Variants in ADGRL1 observed in about 807,000 individuals in gnomAD.
ADGRL1 encodes CIRL-1.
In ADGRL1, 31 loss-of-function variants were observed where a neutral mutation model predicts 148.9. The ratio of observed to expected loss-of-function variants is 0.21; its 90% CI spans 0.16 to 0.28. ADGRL1 has a LOEUF of 0.28. Among genes scored for constraint, ADGRL1 ranks in the 10% least tolerant of loss-of-function variants. ADGRL1 has a pLI of 1.00. For missense variants in ADGRL1, 1,521 were observed against 2,058.8 expected (o/e 0.74, Z 5.05); for synonymous variants, 937 against 900.3 (o/e 1.04, Z -0.73).
At position 14,160,087 on chromosome 19, in the gene ADGRL1, G is replaced by A. The variant is rs542681348; in HGVS notation, c.1800+25C>T. On this transcript the variant is annotated intron_variant, in intron 8 of 22. Coordinates refer to ENST00000361434, the MANE Select transcript of ADGRL1 (RefSeq NM_014921.5). This position sits in a 1 kb window ranked among gnomAD's most constrained non-coding sequence, Gnocchi z 5.9. ...GGGGGCAGGCGCCCTCCCCATACCA[G>A]GTCAGCGCCACCGCCAGGCCCCACC... The A allele has an allele frequency of 9.6e-6, 15 of 1,557,910 alleles. No individual in the cohort carries two copies. In the South Asian group the frequency reaches 1.2e-4, roughly 12 times the overall value.
At chr19:14,182,096 C>T (rs1971238927) in intron 2 of ADGRL1, among the ~76,000 whole-genome samples, 1 of 152,236 alleles carries the variant, frequency 6.6e-6, no homozygotes, top group Non-Finnish European at 1.5e-5. Context: ...TCCCTGGCTG[C>T]AGCCTCATCC....
intron 4 of ADGRL1, among the ~76,000 whole-genome samples, chr19:14,165,753 CCTCT>C (rs67684197): frequency 0.1 from 15,237 of 151,796 alleles, 911 homozygotes; most frequent in Admixed American, 0.17. Flanking sequence ...GCAGCCCAGG[CCTCT>C]CTGAGATGGG....
intron 4 of ADGRL1, among the ~76,000 whole-genome samples, chr19:14,164,392 C>T (rs996795610): frequency 3.9e-5 from 6 of 152,034 alleles, no homozygotes; most frequent in African/African-American, 9.7e-5. Flanking sequence ...GTCCTGGCTC[C>T]GTGGGAGGCT....
At chr19:14,168,018 G>A (rs1471308326) in intron 4 of ADGRL1, among the ~76,000 whole-genome samples, 1 of 152,096 alleles carries the variant, frequency 6.6e-6, no homozygotes, top group Non-Finnish European at 1.5e-5. Flanking sequence ...CCACTGTGTG[G>A]GAGGGTTCCC....
chr19:14,156,250 C>CT lies in ADGRL1; in HGVS notation c.3034-50dup, dbSNP rs765389103. The CT allele has an allele frequency of 2.1e-6, 3 of 1,419,914 alleles. No homozygotes were observed. The South Asian group carries it at 3.5e-5, about 17-fold the overall frequency. 88.0% of individuals were successfully genotyped at this position (1,419,914 alleles called of 1,614,324 possible). ...CTGGGCTGAGAGTGGCCCTGCCTCC[C>CT]TCAGTGAGCACTGAGGCTAGGGCCC... On this transcript the variant is annotated intron_variant, in intron 16 of 22. Transcript: ENST00000361434.
chr19:14,155,237 T>C lies in ADGRL1; in HGVS notation c.3294+122A>G. The C allele has an allele frequency of 8.6e-7, 1 of 1,166,988 alleles. No individual in the cohort carries two copies. The highest frequency in any genetic ancestry group is 1.2e-6 in the Non-Finnish European group (1 of 816,648). 72.3% of individuals were successfully genotyped at this position (1,166,988 alleles called of 1,614,324 possible). A position where few individuals can be genotyped will look rare whatever the true frequency, so the allele number is the denominator to read the frequency against. On this transcript the variant is annotated intron_variant, in intron 18 of 22. Coordinates refer to ENST00000361434, the MANE Select transcript of ADGRL1 (RefSeq NM_014921.5). This position sits in a 1 kb window ranked among gnomAD's most constrained non-coding sequence, Gnocchi z 5.0. ...GACGCAGACCTGACCACAGAAGCCCTGCAGCACTCACTGGGGGCTTGAGGG... is the reference window on the plus strand; with the variant it reads ...GACGCAGACCTGACCACAGAAGCCCCGCAGCACTCACTGGGGGCTTGAGGG...
rs575109220 is a variant in ADGRL1, at chr19:14,156,806, G to T, written c.2967-82C>A. 7.3e-5 allele frequency: 112 copies of T among 1,526,816 alleles called. No homozygotes were observed. In the African/African-American group the frequency reaches 1.4e-3, roughly 20 times the overall value. 94.6% of individuals were successfully genotyped at this position (1,526,816 alleles called of 1,614,324 possible). A position where few individuals can be genotyped will look rare whatever the true frequency, so the allele number is the denominator to read the frequency against. On this transcript the variant is annotated intron_variant, in intron 15 of 22. Transcript: ENST00000361434. ...CTCATGAAGGCCTAGGACTCTGCAG[G>T]CTGCAGCCTCTGGGATCAGGAGGAG...
rs1269351746 is a variant in ADGRL1, at chr19:14,166,875, C to T, written c.395-3469G>A. On this transcript the variant is annotated intron_variant, in intron 4 of 22. Coordinates refer to ENST00000361434, the MANE Select transcript of ADGRL1 (RefSeq NM_014921.5). ...ACCAGGGCTGGTCCCACTGGGAGGA[C>T]AACCCAGGGTGGGGGATACCGACCG... The T allele has an allele frequency of 7.0e-6, 6 of 859,176 alleles. No homozygotes were observed. In the Admixed American group the frequency reaches 9.9e-5, roughly 14 times the overall value. 53.2% of individuals were successfully genotyped at this position (859,176 alleles called of 1,614,324 possible).
In ADGRL1 at chr19:14,156,729, A is replaced by G; in HGVS notation, c.2967-5T>C. 6.2e-7 allele frequency: 1 copy of G among 1,608,112 alleles called. No individual in the cohort carries two copies. The highest frequency in any genetic ancestry group is 8.5e-7 in the Non-Finnish European group (1 of 1,177,266). On this transcript the variant is annotated splice_polypyrimidine_tract_variant and splice_region_variant and intron_variant, in intron 15 of 22. Transcript: ENST00000361434. ...TTGTCCACTCGGAGCCAGCAGCTGTAAAGGAAACAGGGCCGGGGTATAGAG... is the reference window on the plus strand; with the variant it reads ...TTGTCCACTCGGAGCCAGCAGCTGTGAAGGAAACAGGGCCGGGGTATAGAG...
chr19:14,178,846 G>A (rs902104361), intron 2 of ADGRL1, among the ~76,000 whole-genome samples: 1 of 152,072 alleles, frequency 6.6e-6, no homozygotes, highest in Non-Finnish European at 1.5e-5. Context: ...GTGTACAGGG[G>A]GAAGACAATG....
rs1457260219 is a variant in ADGRL1 at position 14,160,400 on chromosome 19, C to T, written c.1615-103G>A. 8.7e-7 allele frequency: 1 copy of T among 1,149,858 alleles called. No homozygotes were observed. Among genetic ancestry groups the T allele is most frequent in the East Asian group, 2.5e-5 (1 of 40,102 alleles). 71.2% of individuals were successfully genotyped at this position (1,149,858 alleles called of 1,614,324 possible). A position where few individuals can be genotyped will look rare whatever the true frequency, so the allele number is the denominator to read the frequency against. Reference sequence around the variant, plus strand: ...GTGCAGCCTCTCCTATCTCTCTCTCCACTTCCCCATCGCCATCTGCCCCTT... The same window carrying T: ...GTGCAGCCTCTCCTATCTCTCTCTCTACTTCCCCATCGCCATCTGCCCCTT... On this transcript the variant is annotated intron_variant, in intron 7 of 22. Transcript: ENST00000361434. This position sits in a 1 kb window ranked among gnomAD's most constrained non-coding sequence, Gnocchi z 5.9.
rs1360617826 is a variant in ADGRL1, at chr19:14,202,521, G to A, written c.-96+3464C>T. ...ACCCGCCTCAGCCTCCCAAAGTGCT[G>A]GGATTACAGGTATGAGCCACCACGC... On this transcript the variant is annotated intron_variant, in intron 1 of 22. Transcript: ENST00000361434. 2.6e-5 allele frequency among the ~76,000 whole-genome samples: 4 copies of A among 152,274 alleles called. No individual in the cohort carries two copies. In the East Asian group the frequency reaches 7.7e-4, roughly 29 times the overall value.
chr19:14,189,873 T>C (rs769929008), intron 1 of ADGRL1, among the ~76,000 whole-genome samples: 8 of 152,228 alleles, frequency 5.3e-5, no homozygotes, highest in East Asian at 1.9e-4. Context: ...CTGGTGTGTG[T>C]GGTGAGAACA....
chr19:14,197,272 TAAATA>T (rs1266849925), intron 1 of ADGRL1, among the ~76,000 whole-genome samples: 4 of 151,936 alleles, frequency 2.6e-5, no homozygotes, highest in Non-Finnish European at 5.9e-5. Flanking sequence ...ACTCCGTCTC[TAAATA>T]AAATAAAATA....
In ADGRL1 at chr19:14,183,694, C is replaced by T. The variant is rs1971382239; in HGVS notation, c.-92G>A. On this transcript the variant is annotated 5_prime_UTR_variant, in exon 2 of 23. Transcript: ENST00000361434. Reference sequence around the variant, plus strand: ...TGGCAGGCACCACGGCCTGGACCACCAGCCTGGGGGAGGACAGGGAGACTG... The same window carrying T: ...TGGCAGGCACCACGGCCTGGACCACTAGCCTGGGGGAGGACAGGGAGACTG... 1 of 1,175,788 alleles carries T rather than the reference C, an allele frequency of 8.5e-7. No individual in the cohort carries two copies. Among genetic ancestry groups the T allele is most frequent in the Non-Finnish European group, 1.2e-6 (1 of 827,346 alleles). 72.8% of individuals were successfully genotyped at this position (1,175,788 alleles called of 1,614,324 possible).
chr19:14,149,264 C>T lies in ADGRL1; in HGVS notation c.*1609G>A, dbSNP rs73509753. 25,459 of 152,208 alleles carry T rather than the reference C, an allele frequency of 0.17. 2,419 individuals are homozygous for T. The highest frequency in any genetic ancestry group is 0.25 in the African/African-American group (10,411 of 41,452). 9.4% of individuals were successfully genotyped at this position (152,208 alleles called of 1,614,324 possible). ...CAAGCCGCCCAGAACATGGGTGTCC[C>T]GACCCCAGCCCTGGCACCTGGCTTC... On this transcript the variant is annotated 3_prime_UTR_variant, in exon 23 of 23. Coordinates refer to ENST00000361434, the MANE Select transcript of ADGRL1 (RefSeq NM_014921.5).
At chr19:14,196,250 G>A (rs1396388685) in intron 1 of ADGRL1, among the ~76,000 whole-genome samples, 3 of 152,198 alleles carry the variant, frequency 2.0e-5, no homozygotes, top group South Asian at 2.1e-4. Context: ...TAAGTCAGCC[G>A]CTTCCCTCCT....
At chr19:14,184,642 A>ATTTTTT (rs1283218279) in intron 1 of ADGRL1, among the ~76,000 whole-genome samples, 5 of 107,880 alleles carry the variant, frequency 4.6e-5, no homozygotes, top group East Asian at 2.6e-4. Context: ...TTATTTATTT[A>ATTTTTT]TTTATTTTTT....
rs1289131024 is a variant in ADGRL1 at position 14,152,360 on chromosome 19, C to T, written c.3598G>A (p.Ala1200Thr). The change falls in exon 21 of 23, where the codon GCC becomes ACC. Residue 1200 changes from alanine to threonine, a missense_variant. This residue lies in a region of ADGRL1 where 47 missense variants were observed against 64.6 expected (regional missense o/e 0.73). Coordinates refer to ENST00000361434, the MANE Select transcript of ADGRL1 (RefSeq NM_014921.5). The surrounding 1 kb of genome is among the most constrained non-coding windows in gnomAD (Gnocchi z 6.1). ...GGTSPYNTLI[A>T]ESVGFNPSSP... ...GAGGGATTGAAGCCCACTGACTCGG[C>T]GATGAGGGTGTTGTAGGGACTGGTG... is the stretch of plus-strand genomic sequence containing the variant. The T allele has an allele frequency of 8.8e-6, 14 of 1,599,674 alleles. No individual in the cohort carries two copies. Among genetic ancestry groups the T allele is most frequent in the Non-Finnish European group, 1.1e-5 (13 of 1,171,178 alleles).
Sources: allele counts gnomAD v4.1 joint callset (sites outside exome capture counted in the v4.1 genomes callset), GRCh38; gene constraint gnomAD v4.1.1; regional missense constraint gnomAD v4.1.1; non-coding constraint Gnocchi (gnomAD v3.1); transcripts MANE v1.5; gene names NCBI Gene and HGNC (gene_info 2026-07-23, HGNC 2026-07-21).